The following NCAPG variants were observed in gnomAD, a reference collection of about 807,000 sequenced individuals.
NCAPG encodes non-SMC condensin I complex subunit G.
In NCAPG, 69 loss-of-function variants were observed where a neutral mutation model predicts 113.1. That is an observed-to-expected ratio of 0.61 (90% CI 0.50 to 0.75). The LOEUF is 0.75. Ranked by LOEUF, NCAPG falls within the 30% of genes least tolerant of loss-of-function variation. NCAPG has a pLI of 0.00. For missense variants in NCAPG, 1,058 were observed against 1,177.0 expected, an observed-to-expected ratio of 0.90 and a Z score of 1.48; for synonymous variants, 370 against 415.8, an observed-to-expected ratio of 0.89 and a Z score of 1.34.
At chr4:17,831,155 T>G in intron 13 of NCAPG, 39 bp downstream of exon 13, 1 of 1,595,898 alleles carries the variant, frequency 6.3e-7, no homozygotes, top group African/African-American at 1.3e-5. Context: ...CTGTATTTCC[T>G]GAAATACTCT....
chr4:17,814,280 C>T (rs781129320), intron 3 of NCAPG, among the ~76,000 whole-genome samples: 5 of 152,072 alleles, frequency 3.3e-5, no homozygotes, highest in African/African-American at 4.8e-5. Flanking sequence ...AGAGCCAGTC[C>T]GTTGACTAAT....
In NCAPG at chr4:17,823,763, C is replaced by A; in HGVS notation, c.1376C>A (p.Thr459Lys). 1 of 1,591,672 alleles carries A rather than the reference C, an allele frequency of 6.3e-7. No homozygotes were observed. Among genetic ancestry groups the A allele is most frequent in the Non-Finnish European group, 8.6e-7 (1 of 1,164,336 alleles). Residue 459 changes from threonine to lysine, a missense_variant, in exon 9 of 21, where the codon ACA becomes AAA. By Grantham distance (78) the Thr-to-Lys change is moderately conservative. Transcript: ENST00000251496. ...ATCATTATAGATGATAATAAGAGAA[C>A]ACAAATTGTAAGTAATTTTCCTCAT... ...LHIIIDDNKR[T>K]QIVTEIISEI...
chr4:17,832,292 C>T (rs538146798), intron 13 of NCAPG, among the ~76,000 whole-genome samples: 113 of 152,198 alleles, frequency 7.4e-4, no homozygotes, highest in African/African-American at 2.6e-3. Flanking sequence ...TCTAGGAAAG[C>T]GATGGCGATG....
intron 12 of NCAPG, among the ~76,000 whole-genome samples, chr4:17,830,265 G>T (rs1721807763): frequency 6.6e-6 from 1 of 151,750 alleles, no homozygotes. Context: ...TGGTGACTCG[G>T]GCCTGTGCTG....
chr4:17,831,101 C>T lies in NCAPG; in HGVS notation c.1869C>T (p.Phe623=), dbSNP rs145072179. 2.0e-5 allele frequency: 32 copies of T among 1,612,920 alleles called. 1 individual carries two copies. Among genetic ancestry groups the T allele is most frequent in the African/African-American group, 1.6e-4 (12 of 74,944 alleles). The part of the protein sequence containing the change: ...LQNQDFARKH[F]VLLLQVLQID... The stretch of plus-strand genomic sequence containing the variant: ...ATCAGGATTTTGCAAGGAAACACTT[C>T]GTATTACTATTGCAGGTAGGATTTA... The change falls in exon 13 of 21, where the codon TTC becomes TTT. Residue 623 remains phenylalanine (F), a synonymous_variant. Coordinates refer to ENST00000251496, the MANE Select transcript of NCAPG (RefSeq NM_022346.5).
In NCAPG at chr4:17,817,332, G is replaced by C; in HGVS notation, c.847G>C (p.Glu283Gln). Residue 283 changes from glutamate (E) to glutamine (Q), a missense_variant, in exon 6 of 21, where the codon GAG becomes CAG. By Grantham distance (29) the Glu-to-Gln change is conservative (BLOSUM62 2). Coordinates refer to ENST00000251496, the MANE Select transcript of NCAPG (RefSeq NM_022346.5). ...ACGGTTCTCTGAAGGAAATATCTTA[G>C]AGTTGCTCCATCGGTTGGATGTAGA... ...WLRFSEGNIL[E>Q]LLHRLDVENS... 1.2e-6 allele frequency: 2 copies of C among 1,614,116 alleles called. No homozygotes were observed. The highest frequency in any genetic ancestry group is 8.5e-7 in the Non-Finnish European group (1 of 1,180,000).
chr4:17,827,236 G>T (rs958340307), intron 11 of NCAPG, among the ~76,000 whole-genome samples: 13 of 152,196 alleles, frequency 8.5e-5, no homozygotes, highest in African/African-American at 2.9e-4. Flanking sequence ...TTAAGGGCTA[G>T]GTCATGTAAG....
intron 9 of NCAPG, 117 bp downstream of exon 9, chr4:17,823,887 A>G (rs1050488977): frequency 1.3e-5 from 10 of 796,140 alleles, no homozygotes; most frequent in South Asian, 1.8e-5. Context: ...CGTCTCTTTA[A>G]TGAGTTTTAA....
rs1407449780 is a variant in NCAPG at position 17,811,946 on chromosome 4, T to C, written c.112-275T>C. Among the ~76,000 whole-genome samples, 1 of 152,204 alleles carries C rather than the reference T, an allele frequency of 6.6e-6. No homozygotes were observed. Among genetic ancestry groups the C allele is most frequent in the African/African-American group, 2.4e-5 (1 of 41,454 alleles). On this transcript the variant is annotated intron_variant, in intron 1 of 20. Transcript: ENST00000251496. The surrounding 1 kb of genome is among the most constrained non-coding windows in gnomAD (Gnocchi z 5.3). ...AAGCGTATTTGTAACGTACTGGTAC[T>C]AAAGGCTTATTGAGAATCAAAGATA...
rs146048563 is a variant in NCAPG at position 17,831,753 on chromosome 4, G to T, written c.1884+637G>T. On this transcript the variant is annotated intron_variant, in intron 13 of 20. Transcript: ENST00000251496. ...GCTAGGAAAGATTGAGCAAAGGGAA[G>T]AATAATAGGAAAAAGGGTTTGCTGG... Among the ~76,000 whole-genome samples, 1,021 of 152,234 alleles carry T rather than the reference G, an allele frequency of 6.7e-3. 15 individuals carry two copies. The highest frequency in any genetic ancestry group is 0.024 in the African/African-American group (983 of 41,544).
At chr4:17,817,511 GTTT>G in intron 6 of NCAPG, 58 bp downstream of exon 6, 1 of 1,423,212 alleles carries the variant, frequency 7.0e-7, no homozygotes, top group Non-Finnish European at 9.6e-7. Context: ...CAATTAATTT[GTTT>G]TTTTTCCTCC....
Position 17,817,403 on chromosome 4 carries a change from A to G in NCAPG, c.918A>G (p.Ser306=). ...TCTCTGTTCTCAATGCCTTGTTTTCAATAACTCCTCTCAGTGAACTGGTGG... is the reference window on the plus strand; with the variant it reads ...TCTCTGTTCTCAATGCCTTGTTTTCGATAACTCCTCTCAGTGAACTGGTGG... ...VAVSVLNALF[S]ITPLSELVGL... Residue 306 remains serine (S), a synonymous_variant, in exon 6 of 21, where the codon TCA becomes TCG. Transcript: ENST00000251496. The G allele has an allele frequency of 6.2e-7, 1 of 1,614,138 alleles. No homozygotes were observed. The highest frequency in any genetic ancestry group is 8.5e-7 in the Non-Finnish European group (1 of 1,179,992).
chr4:17,831,724 C>T (rs114747174), intron 13 of NCAPG, among the ~76,000 whole-genome samples: 3 of 152,214 alleles, frequency 2.0e-5, no homozygotes, highest in Non-Finnish European at 2.9e-5. Flanking sequence ...TAAGAGAACA[C>T]ATGGCTAGGA....
At position 17,815,012 on chromosome 4, in the gene NCAPG, A is replaced by G. The variant is rs766375832; in HGVS notation, c.690+14A>G. The G allele has an allele frequency of 2.7e-5, 43 of 1,613,838 alleles. No homozygotes were observed. In the South Asian group the frequency reaches 4.3e-4, roughly 16 times the overall value. ...CTGGCTTATCAGGTAAATAAGTTCA[A>G]TGTCTTGTGTTGGCATATTCTTAAA... On this transcript the variant is annotated intron_variant, in intron 4 of 20. Coordinates refer to ENST00000251496, the MANE Select transcript of NCAPG (RefSeq NM_022346.5).
rs747269864 is a variant in NCAPG at position 17,814,835 on chromosome 4, G to A, written c.545-18G>A. The stretch of plus-strand genomic sequence containing the variant: ...TAAATAATTTCATCAGTACTAAAAT[G>A]TATTGCTTTATTTTTAGCATATGCT... On this transcript the variant is annotated intron_variant, in intron 3 of 20. Coordinates refer to ENST00000251496, the MANE Select transcript of NCAPG (RefSeq NM_022346.5). The A allele has an allele frequency of 2.5e-6, 4 of 1,606,300 alleles. No individual in the cohort carries two copies. The highest frequency in any genetic ancestry group is 2.2e-5 in the East Asian group (1 of 44,848).
chr4:17,815,149 TTAAGTA>T, intron 4 of NCAPG, 119 bp from the exon 5 acceptor site: 1 of 1,234,012 alleles, frequency 8.1e-7, no homozygotes, highest in Non-Finnish European at 1.1e-6. Context: ...TCTTACTGTA[TTAAGTA>T]TGTTACCAGG....
chr4:17,812,886 A>G lies in NCAPG; in HGVS notation c.316-31A>G, dbSNP rs755613544. The G allele has an allele frequency of 1.9e-6, 3 of 1,565,424 alleles. No homozygotes were observed. The African/African-American group carries it at 4.1e-5, about 21-fold the overall frequency. On this transcript the variant is annotated intron_variant, in intron 2 of 20. Transcript: ENST00000251496. ...GATTATTTGGGAGTGGTATGTGACTATGAATAAATTTTGATTTGTTTCTGT... is the reference window on the plus strand; with the variant it reads ...GATTATTTGGGAGTGGTATGTGACTGTGAATAAATTTTGATTTGTTTCTGT...
intron 19 of NCAPG, 56 bp downstream of exon 19, chr4:17,840,749 G>T: frequency 8.7e-7 from 1 of 1,155,102 alleles, no homozygotes; most frequent in Non-Finnish European, 1.2e-6. Flanking sequence ...ATCTTCCAAT[G>T]AAAAATACTT....
At position 17,842,495 on chromosome 4, in the gene NCAPG, C is replaced by T; in HGVS notation, c.2924+116C>T. ...AGAATATATAACAAGATAGTGAAAA[C>T]TATAAATAGCTGTCTTAGGTATATA... On this transcript the variant is annotated intron_variant, in intron 20 of 20. Coordinates refer to ENST00000251496, the MANE Select transcript of NCAPG (RefSeq NM_022346.5). 2.6e-6 allele frequency: 2 copies of T among 781,836 alleles called. 1 individual carries two copies. The highest frequency in any genetic ancestry group is 3.3e-5 in the South Asian group (2 of 61,482). 48.4% of individuals were successfully genotyped at this position (781,836 alleles called of 1,614,324 possible).
Sources: gnomAD v4.1 joint callset for allele counts (sites outside exome capture counted in the v4.1 genomes callset) on GRCh38, gnomAD v4.1.1 for gene constraint, Gnocchi (gnomAD v3.1) non-coding constraint, MANE v1.5 for transcripts, NCBI Gene and HGNC (gene_info 2026-07-23, HGNC 2026-07-21) for gene names.